Variants in FECH observed in about 807,000 individuals in gnomAD.
The protein encoded by FECH is ferrochelatase.
A neutral mutation model predicts 56.9 loss-of-function variants in FECH; 40 were observed. The observed-to-expected ratio is 0.70, with a 90% CI of 0.55 to 0.92. The LOEUF is 0.92. FECH is among the 40% of genes least tolerant of loss of function. FECH has a pLI of 0.00. For missense variants in FECH, 431 were observed against 529.1 expected (o/e 0.81, Z 1.82); for synonymous variants, 175 against 198.6 (o/e 0.88, Z 1.00).
At chr18:57,559,435 A>G (rs1411591823) in intron 6 of FECH, among the ~76,000 whole-genome samples, 192 bp from the exon 7 acceptor site, 1 of 152,206 alleles carries the variant, frequency 6.6e-6, no homozygotes, top group African/African-American at 2.4e-5. Flanking sequence ...GGATCATAAC[A>G]GTTTCAGGGG....
chr18:57,560,377 G>A (rs12454649), intron 6 of FECH, among the ~76,000 whole-genome samples: 14,184 of 152,298 alleles, frequency 0.093, 1,092 homozygotes, highest in East Asian at 0.33. Context: ...TAGGCCAGAC[G>A]CAGTGGCTCA....
At chr18:57,584,594 A>G (rs2122377953) in intron 1 of FECH, among the ~76,000 whole-genome samples, 1 of 152,210 alleles carries the variant, frequency 6.6e-6, no homozygotes, top group Admixed American at 6.5e-5. Flanking sequence ...TGAAATCTAT[A>G]ATGGCACTTT....
intron 6 of FECH, among the ~76,000 whole-genome samples, chr18:57,561,362 C>T (rs2050941158): frequency 6.6e-6 from 1 of 152,136 alleles, no homozygotes; most frequent in Non-Finnish European, 1.5e-5. Flanking sequence ...TAGTGTTTTT[C>T]TTTTCTCGGC....
Position 57,549,632 on chromosome 18 carries a change from C to T in FECH, c.*1080G>A, listed in dbSNP as rs2050770117. On this transcript the variant is annotated 3_prime_UTR_variant, in exon 11 of 11. Transcript: ENST00000262093. The stretch of plus-strand genomic sequence containing the variant: ...ACTCATAAATCCAAGGTGACAATGG[C>T]ATTAAATGGCATTAAAAATATCTAC... 1 of 151,952 alleles carries T rather than the reference C, an allele frequency of 6.6e-6. No individual in the cohort carries two copies. The highest frequency in any genetic ancestry group is 2.1e-4 in the South Asian group (1 of 4,802). 9.4% of individuals were successfully genotyped at this position (151,952 alleles called of 1,614,324 possible).
intron 4 of FECH, among the ~76,000 whole-genome samples, chr18:57,569,875 C>T (rs2051071612): frequency 1.3e-5 from 2 of 151,542 alleles, no homozygotes; most frequent in South Asian, 4.2e-4. Flanking sequence ...ACTTTGTTTC[C>T]CAGGCTGGAA....
At chr18:57,567,174 T>A (rs2051029802) in intron 4 of FECH, among the ~76,000 whole-genome samples, 1 of 151,992 alleles carries the variant, frequency 6.6e-6, no homozygotes, top group Non-Finnish European at 1.5e-5. Flanking sequence ...CTCGTTTATA[T>A]AAAAAAATGC....
rs2050770988 is a variant in FECH, at chr18:57,549,684, A to T, written c.*1028T>A. The T allele has an allele frequency of 6.6e-6, 1 of 152,234 alleles. No homozygotes were observed. The highest frequency in any genetic ancestry group is 2.4e-5 in the African/African-American group (1 of 41,452). The allele number at this position is 152,234 out of a possible 1,614,324, so 9.4% of individuals were successfully genotyped here. A position where few individuals can be genotyped will look rare whatever the true frequency, so the allele number is the denominator to read the frequency against. The stretch of plus-strand genomic sequence containing the variant: ...GGAAAGGACTACCACGAAATACAAT[A>T]TTATGATAACAGTTATTGCATTAAA... On this transcript the variant is annotated 3_prime_UTR_variant, in exon 11 of 11. Coordinates refer to ENST00000262093, the MANE Select transcript of FECH (RefSeq NM_000140.5).
chr18:57,572,689 C>T (rs1432608816), intron 3 of FECH, among the ~76,000 whole-genome samples: 2 of 150,718 alleles, frequency 1.3e-5, no homozygotes, highest in Non-Finnish European at 2.9e-5. Flanking sequence ...GATGTAACAG[C>T]GCTTTCCTCC....
At chr18:57,565,938 A>C (rs918841798) in intron 5 of FECH, among the ~76,000 whole-genome samples, 2 of 152,250 alleles carry the variant, frequency 1.3e-5, no homozygotes, top group Non-Finnish European at 2.9e-5. Flanking sequence ...TCAAGAAAAC[A>C]GAAAATTCTG....
chr18:57,572,419 G>C (rs192866427), intron 3 of FECH, among the ~76,000 whole-genome samples: 141 of 151,596 alleles, frequency 9.3e-4, no homozygotes, highest in Non-Finnish European at 1.7e-3. Context: ...TCGTGGAGTG[G>C]GGGGAGAGGG....
chr18:57,566,403 C>T, intron 5 of FECH, 44 bp downstream of exon 5: 1 of 1,613,678 alleles, frequency 6.2e-7, no homozygotes, highest in Non-Finnish European at 8.5e-7. Flanking sequence ...GTTATTTTTG[C>T]CAGCACCGTA....
In FECH at chr18:57,548,338, A is replaced by T. The variant is rs1017317411; in HGVS notation, c.*2374T>A. On this transcript the variant is annotated 3_prime_UTR_variant, in exon 11 of 11. Transcript: ENST00000262093. ...AGTGCAAAAATTTATTGTGATTTTTAAAAAGTTAAGTAGTTCAAGAATGCA... is the reference window on the plus strand; with the variant it reads ...AGTGCAAAAATTTATTGTGATTTTTTAAAAGTTAAGTAGTTCAAGAATGCA... 2 of 152,098 alleles carry T rather than the reference A, an allele frequency of 1.3e-5. No individual in the cohort carries two copies. Among genetic ancestry groups the T allele is most frequent in the African/African-American group, 4.8e-5 (2 of 41,408 alleles). The allele number at this position is 152,098 out of a possible 1,614,324, so 9.4% of individuals were successfully genotyped here.
rs1433016091 is a variant in FECH, at chr18:57,550,472, T to C, written c.*240A>G. On this transcript the variant is annotated 3_prime_UTR_variant, in exon 11 of 11. Transcript: ENST00000262093. The stretch of plus-strand genomic sequence containing the variant: ...CATTTATTAAAGGTCCTGATGGACA[T>C]TCCAAACTAGTAACTTATACCTAGA... The C allele has an allele frequency of 8.2e-6, 4 of 485,416 alleles. No individual in the cohort carries two copies. Among genetic ancestry groups the C allele is most frequent in the Non-Finnish European group, 1.5e-5 (4 of 269,550 alleles). 30.1% of individuals were successfully genotyped at this position (485,416 alleles called of 1,614,324 possible). A position where few individuals can be genotyped will look rare whatever the true frequency, so the allele number is the denominator to read the frequency against.
At chr18:57,551,729 C>T (rs551164073) in intron 9 of FECH, among the ~76,000 whole-genome samples, 83 of 152,256 alleles carry the variant, frequency 5.5e-4, no homozygotes, top group Admixed American at 1.4e-3. Context: ...CATAATTTTA[C>T]AGACTCTTCC....
chr18:57,553,191 G>C (rs1416286173), intron 9 of FECH, among the ~76,000 whole-genome samples: 1 of 148,038 alleles, frequency 6.8e-6, no homozygotes, highest in Middle Eastern at 3.5e-3. Flanking sequence ...AGATACAGAA[G>C]GCATCTTTAA....
chr18:57,551,250 C>T, intron 10 of FECH, 65 bp downstream of exon 10: 2 of 1,202,596 alleles, frequency 1.7e-6, no homozygotes, highest in Non-Finnish European at 1.2e-6. Context: ...CAATATTCTG[C>T]AAGAGTTTCT....
At position 57,551,419 on chromosome 18, in the gene FECH, T is replaced by C. The variant is rs201722847; in HGVS notation, c.1078-45A>G. 54 of 1,485,950 alleles carry C rather than the reference T, an allele frequency of 3.6e-5. No homozygotes were observed. In the African/African-American group the frequency reaches 6.6e-4, roughly 18 times the overall value. 92.0% of individuals were successfully genotyped at this position (1,485,950 alleles called of 1,614,324 possible). On this transcript the variant is annotated intron_variant, in intron 9 of 10. Transcript: ENST00000262093. ...GGAGGAAAAACACAGATATATTTTA[T>C]TTTCCTTTTTTTTTCAAAGAAACTG...
chr18:57,584,112 G>A (rs893710242), intron 1 of FECH, among the ~76,000 whole-genome samples: 8 of 151,612 alleles, frequency 5.3e-5, no homozygotes, highest in Non-Finnish European at 1.2e-4. Flanking sequence ...CCTGGGAGGC[G>A]GAGGTTGCAG....
Position 57,554,362 on chromosome 18 carries a change from C to T in FECH, c.975G>A (p.Arg325=). 3 of 1,614,196 alleles carry T rather than the reference C, an allele frequency of 1.9e-6. No homozygotes were observed. Among genetic ancestry groups the T allele is most frequent in the Non-Finnish European group, 2.5e-6 (3 of 1,180,026 alleles). ...TDESIKGLCE[R]GRKNILLVPI... ...GAACCAAGAGGATATTCTTCCTCCC[C>T]CTCTCACAAAGCCCTTTGATAGATT... Residue 325 remains arginine, a synonymous_variant, in exon 9 of 11, where the codon AGG becomes AGA. Transcript: ENST00000262093.
Sources: gnomAD v4.1 joint callset for allele counts (sites outside exome capture counted in the v4.1 genomes callset) on GRCh38, gnomAD v4.1.1 for gene constraint, MANE v1.5 for transcripts, NCBI Gene and HGNC (gene_info 2026-07-23, HGNC 2026-07-21) for gene names.